Variants in ROBO2 observed in about 807,000 individuals in gnomAD.
ROBO2 encodes roundabout guidance receptor 2.
A neutral mutation model predicts 160.8 loss-of-function variants in ROBO2; 53 were observed. That is an observed-to-expected ratio of 0.33 (90% CI 0.26 to 0.41). The LOEUF (loss-of-function observed/expected upper bound fraction) is 0.41. Ranked by LOEUF, ROBO2 falls within the 10% of genes least tolerant of loss-of-function variation. The probability of loss-of-function intolerance (pLI) is 1.00; values close to 1 mark genes in which losing one functional copy is unlikely to be tolerated. For synonymous variants in ROBO2, 664 were observed against 611.7 expected (o/e 1.09, Z -1.26); for missense variants, 1,577 against 1,722.4 (o/e 0.92, Z 1.49).
chr3:76,826,237 T>C (rs547593527), intron 2 of ROBO2, among the ~76,000 whole-genome samples: 1 of 152,228 alleles, frequency 6.6e-6, no homozygotes, highest in East Asian at 1.9e-4. Context: ...TCTTCAAGCA[T>C]GGGCATTGCA....
intron 2 of ROBO2, among the ~76,000 whole-genome samples, chr3:76,776,584 C>G (rs1252433015): frequency 1.3e-5 from 2 of 150,838 alleles, no homozygotes; most frequent in African/African-American, 4.8e-5. Flanking sequence ...TTTTTCATAG[C>G]TCATTCCCCA....
At chr3:76,353,646 T>C (rs1016790908) in intron 2 of ROBO2, among the ~76,000 whole-genome samples, 1 of 151,912 alleles carries the variant, frequency 6.6e-6, no homozygotes, top group Non-Finnish European at 1.5e-5. Context: ...AGAAATGTTT[T>C]TCTCAAACAT....
At position 77,254,030 on chromosome 3, in the gene ROBO2, G is replaced by A. The variant is rs183642107; in HGVS notation, c.388+155690G>A. On this transcript the variant is annotated intron_variant, in intron 2 of 25. Transcript: ENST00000461745. The stretch of plus-strand genomic sequence containing the variant: ...AGTCAGCATTTAATTCATTTGAAAA[G>A]GTAATGAAAATATTTTTGTTTTTCC... Among the ~76,000 whole-genome samples the A allele has an allele frequency of 4.0e-4, 61 of 152,248 alleles. No homozygotes were observed. In the East Asian group the frequency reaches 9.8e-3, roughly 25 times the overall value.
At chr3:75,925,511 C>T in intron 1 of ROBO2, among the ~76,000 whole-genome samples, 1 of 152,098 alleles carries the variant, frequency 6.6e-6, no homozygotes, top group East Asian at 1.9e-4. Flanking sequence ...GTTGAATAAC[C>T]TGATACTCTT....
chr3:76,736,810 G>A (rs1293744508), intron 2 of ROBO2, among the ~76,000 whole-genome samples: 1 of 152,156 alleles, frequency 6.6e-6, no homozygotes, highest in Non-Finnish European at 1.5e-5. Flanking sequence ...ATAAAGCCTA[G>A]CATAAAATCA....
At chr3:76,449,131 G>A (rs1209345703) in intron 2 of ROBO2, among the ~76,000 whole-genome samples, 1 of 151,974 alleles carries the variant, frequency 6.6e-6, no homozygotes, top group African/African-American at 2.4e-5. Context: ...AAAACGTATG[G>A]AAATGTCCCC....
chr3:77,612,806 C>T (rs1432637131), intron 21 of ROBO2, among the ~76,000 whole-genome samples: 1 of 151,904 alleles, frequency 6.6e-6, no homozygotes, highest in Non-Finnish European at 1.5e-5. Flanking sequence ...ATTAGCTGGG[C>T]ATGGTGATGG....
intron 2 of ROBO2, among the ~76,000 whole-genome samples, chr3:77,314,726 C>A (rs550653608): frequency 6.6e-6 from 1 of 152,154 alleles, no homozygotes; most frequent in South Asian, 2.1e-4. Context: ...CAAGATTGTA[C>A]ACAAGGCATT....
chr3:76,929,582 T>C (rs2077204768), intron 2 of ROBO2, among the ~76,000 whole-genome samples: 1 of 152,200 alleles, frequency 6.6e-6, no homozygotes, highest in South Asian at 2.1e-4. Flanking sequence ...TCCACCCTTG[T>C]CAAAACAGCA....
At chr3:77,085,289 G>A (rs2069159194) in intron 1 of ROBO2, among the ~76,000 whole-genome samples, 1 of 152,080 alleles carries the variant, frequency 6.6e-6, no homozygotes, top group African/African-American at 2.4e-5. Flanking sequence ...ATTGCATAAA[G>A]TGAAGGCAAA....
intron 2 of ROBO2, among the ~76,000 whole-genome samples, chr3:76,419,260 A>T (rs1315019513): frequency 1.3e-5 from 2 of 152,204 alleles, no homozygotes; most frequent in African/African-American, 4.8e-5. Context: ...GCCATTAAAC[A>T]TGTGTTTTGG....
chr3:77,557,880 C>A, intron 8 of ROBO2, 64 bp from the exon 10 acceptor site: 2 of 1,284,448 alleles, frequency 1.6e-6, no homozygotes, highest in South Asian at 1.2e-5. Flanking sequence ...CTTTCAGTGT[C>A]AATATATCAA....
intron 2 of ROBO2, among the ~76,000 whole-genome samples, chr3:76,654,007 T>C (rs1211224521): frequency 6.6e-6 from 1 of 152,206 alleles, no homozygotes; most frequent in Non-Finnish European, 1.5e-5. Flanking sequence ...GTGATACTGC[T>C]TAAGTACTGA....
intron 6 of ROBO2, among the ~76,000 whole-genome samples, chr3:77,524,365 T>G (rs1157764517): frequency 6.6e-6 from 1 of 151,190 alleles, no homozygotes; most frequent in African/African-American, 2.4e-5. Context: ...TAACCCACAC[T>G]CTACATGGAT....
chr3:76,479,285 A>G (rs1438739254), intron 2 of ROBO2, among the ~76,000 whole-genome samples: 1 of 152,170 alleles, frequency 6.6e-6, no homozygotes, highest in African/African-American at 2.4e-5. Flanking sequence ...CATCTGCTAT[A>G]CCAAGTAACA....
In ROBO2 at chr3:77,098,349, A is replaced by G. The variant is rs756522917; in HGVS notation, c.388+9A>G. The G allele has an allele frequency of 6.2e-7, 1 of 1,613,472 alleles. No individual in the cohort carries two copies. Among genetic ancestry groups the G allele is most frequent in the Non-Finnish European group, 8.5e-7 (1 of 1,179,368 alleles). ...GTCTCTGGAAGTGGCATGTAAGTGA[A>G]CATAATGAACCTCATGTGCACATTT... On this transcript the variant is annotated intron_variant, in intron 2 of 25. Coordinates refer to ENST00000461745, the Ensembl canonical transcript of ROBO2.
chr3:76,418,123 C>G (rs1263113354), intron 2 of ROBO2, among the ~76,000 whole-genome samples: 1 of 150,490 alleles, frequency 6.6e-6, no homozygotes, highest in Non-Finnish European at 1.5e-5. Context: ...AAGAAAAAAA[C>G]AAACTTAAGC....
At chr3:76,328,715 C>T (rs1029036537) in intron 2 of ROBO2, among the ~76,000 whole-genome samples, 1 of 151,800 alleles carries the variant, frequency 6.6e-6, no homozygotes, top group African/African-American at 2.4e-5. Context: ...AAAAAATTAG[C>T]TGGGCGTGGT....
In ROBO2 at chr3:77,240,636, C is replaced by G. The variant is rs184686369; in HGVS notation, c.388+142296C>G. On this transcript the variant is annotated intron_variant, in intron 2 of 25. Transcript: ENST00000461745. ...AAGGGCCACCAGCACGTTGTCACCTCTCACCTCGAATACTGTATTTTTGAC... is the reference window on the plus strand; with the variant it reads ...AAGGGCCACCAGCACGTTGTCACCTGTCACCTCGAATACTGTATTTTTGAC... Among the ~76,000 whole-genome samples, 359 of 152,354 alleles carry G rather than the reference C, an allele frequency of 2.4e-3. 1 individual carries two copies. The highest frequency in any genetic ancestry group is 8.3e-3 in the African/African-American group (346 of 41,592).
Sources: gnomAD v4.1 joint callset for allele counts (sites outside exome capture counted in the v4.1 genomes callset) on GRCh38, gnomAD v4.1.1 for gene constraint, MANE v1.5 for transcripts, NCBI Gene and HGNC (gene_info 2026-07-23, HGNC 2026-07-21) for gene names.